Variants in KLHL32 observed in about 807,000 individuals in gnomAD.
KLHL32 encodes the protein kelch like family member 32, also known as kelch-like protein 32.
KLHL32 carries 35 observed loss-of-function variants against 64.8 expected under a neutral mutation model. The observed-to-expected ratio is 0.54, with a 90% confidence interval of 0.41 to 0.72. The LOEUF is 0.72. Ranked by LOEUF, KLHL32 falls within the 30% of genes least tolerant of loss-of-function variation. The pLI is 0.00. For synonymous variants in KLHL32, 259 were observed against 281.0 expected, an observed-to-expected ratio of 0.92 and a Z score of 0.78; for missense variants, 589 against 768.5, an observed-to-expected ratio of 0.77 and a Z score of 2.76.
At chr6:97,068,981 G>T (rs1352527554) in intron 5 of KLHL32, among the ~76,000 whole-genome samples, 1 of 152,208 alleles carries the variant, frequency 6.6e-6, no homozygotes. Flanking sequence ...AGGCTGGGAC[G>T]CAAGGGCGAT....
chr6:97,011,120 T>C (rs1780354457), intron 3 of KLHL32, among the ~76,000 whole-genome samples: 1 of 152,210 alleles, frequency 6.6e-6, no homozygotes, highest in Non-Finnish European at 1.5e-5. Flanking sequence ...GAGGGAATTA[T>C]CATGTATGCC....
At chr6:96,990,593 G>A (rs565316827) in intron 3 of KLHL32, among the ~76,000 whole-genome samples, 8 of 152,308 alleles carry the variant, frequency 5.3e-5, no homozygotes, top group Non-Finnish European at 1.5e-5. Flanking sequence ...GGCTTTGTGT[G>A]TCCTCTCCAA....
intron 3 of KLHL32, among the ~76,000 whole-genome samples, chr6:97,004,504 C>T (rs1175108476): frequency 1.3e-5 from 2 of 152,096 alleles, no homozygotes; most frequent in African/African-American, 4.8e-5. Context: ...CTAGGACTTC[C>T]AGTGCTGTGT....
Position 97,092,761 on chromosome 6 carries a change from G to GCTTTGCTGTTGTTTGTCTGGGGTATATGC in KLHL32, c.627+7427_627+7455dup, listed in dbSNP as rs528463353. 1.8e-4 allele frequency among the ~76,000 whole-genome samples: 28 copies of GCTTTGCTGTTGTTTGTCTGGGGTATATGC among 152,294 alleles called. No homozygotes were observed. The East Asian group carries it at 5.0e-3, about 27-fold the overall frequency. Reference sequence around the variant, plus strand: ...GCATCCCACAGTAGCTTGACTCGTGGCTTTGCTGTTGTTTGTCTGGGGTAT... The same window carrying GCTTTGCTGTTGTTTGTCTGGGGTATATGC: ...GCATCCCACAGTAGCTTGACTCGTGGCTTTGCTGTTGTTTGTCTGGGGTATATGCCTTTGCTGTTGTTTGTCTGGGGTAT... On this transcript the variant is annotated intron_variant, in intron 6 of 10. Coordinates refer to ENST00000369261, the MANE Select transcript of KLHL32 (RefSeq NM_052904.4).
chr6:97,007,883 G>T (rs967075569), intron 3 of KLHL32, among the ~76,000 whole-genome samples: 3 of 152,184 alleles, frequency 2.0e-5, no homozygotes, highest in Non-Finnish European at 2.9e-5. Context: ...TTCCCAGTCT[G>T]CTGTCCACAA....
At chr6:96,996,988 G>T (rs1778481605) in intron 3 of KLHL32, among the ~76,000 whole-genome samples, 1 of 152,002 alleles carries the variant, frequency 6.6e-6, no homozygotes. Flanking sequence ...GGAATGGGTT[G>T]GGAGGTAGGT....
At chr6:96,973,675 G>GACTT (rs1219600735) in intron 2 of KLHL32, among the ~76,000 whole-genome samples, 3 of 150,046 alleles carry the variant, frequency 2.0e-5, no homozygotes, top group Non-Finnish European at 4.4e-5. Context: ...AGTTAATAGG[G>GACTT]ACTTACATGG....
rs57457444 is a variant in KLHL32, at chr6:96,924,801, GCA to G, written c.-257_-256del. On this transcript the variant is annotated 5_prime_UTR_variant, in exon 1 of 11. Coordinates refer to ENST00000369261, the MANE Select transcript of KLHL32 (RefSeq NM_052904.4). The stretch of plus-strand genomic sequence containing the variant: ...CAGTCGCGCGCACACACGCACGCAG[GCA>G]CACACACACACACACACACACACAC... 53,708 of 148,734 alleles carry G rather than the reference GCA, an allele frequency of 0.36. 9,524 individuals are homozygous for G. Among genetic ancestry groups the G allele is most frequent in the Non-Finnish European group, 0.37 (24,859 of 67,070 alleles). The allele number at this position is 148,734 out of a possible 1,614,324, so 9.2% of individuals were successfully genotyped here. A position where few individuals can be genotyped will look rare whatever the true frequency, so the allele number is the denominator to read the frequency against.
At chr6:96,960,477 T>C (rs1773766479) in intron 1 of KLHL32, among the ~76,000 whole-genome samples, 1 of 152,206 alleles carries the variant, frequency 6.6e-6, no homozygotes, top group Admixed American at 6.5e-5. Context: ...GTTGAACATG[T>C]TAATAAACTT....
intron 1 of KLHL32, among the ~76,000 whole-genome samples, chr6:96,951,239 G>A (rs1772545302): frequency 6.6e-6 from 1 of 152,124 alleles, no homozygotes; most frequent in African/African-American, 2.4e-5. Flanking sequence ...CTTGGGTTCA[G>A]GCAAAGGAAA....
At chr6:96,932,563 T>TCCC (rs1562168616) in intron 1 of KLHL32, among the ~76,000 whole-genome samples, 1 of 111,134 alleles carries the variant, frequency 9.0e-6, no homozygotes, top group African/African-American at 4.3e-5. Flanking sequence ...AGTTGTCAAT[T>TCCC]TCCCCCCCCC....
chr6:97,060,759 A>T (rs1788750054), intron 4 of KLHL32, among the ~76,000 whole-genome samples: 1 of 152,068 alleles, frequency 6.6e-6, no homozygotes, highest in Non-Finnish European at 1.5e-5. Flanking sequence ...CCACCTCATG[A>T]CTGAATTCTG....
chr6:97,126,721 GA>G (rs1434269779), intron 7 of KLHL32, among the ~76,000 whole-genome samples: 3 of 151,852 alleles, frequency 2.0e-5, no homozygotes, highest in Non-Finnish European at 4.4e-5. Context: ...GACTTAGTAT[GA>G]AAAAAAGAAT....
chr6:96,899,615 G>A, the KLHL32 span, among the ~76,000 whole-genome samples: 2 of 152,162 alleles, frequency 1.3e-5, no homozygotes, highest in African/African-American at 4.8e-5. Context: ...GCCTGATCCT[G>A]GCCCAGTGCT....
chr6:97,079,499 G>A (rs778249465), intron 5 of KLHL32, among the ~76,000 whole-genome samples: 4 of 152,124 alleles, frequency 2.6e-5, no homozygotes, highest in Admixed American at 6.5e-5. Flanking sequence ...TACCCCTACC[G>A]TATTTGGTAG....
the KLHL32 span, among the ~76,000 whole-genome samples, chr6:96,904,663 C>T: frequency 2.0e-5 from 3 of 151,830 alleles, no homozygotes; most frequent in Non-Finnish European, 2.9e-5. Context: ...AAAGTTCATC[C>T]AGAAAAGAAA....
chr6:96,981,513 A>G (rs994812124), intron 3 of KLHL32, among the ~76,000 whole-genome samples: 1 of 152,044 alleles, frequency 6.6e-6, no homozygotes, highest in Non-Finnish European at 1.5e-5. Flanking sequence ...TCCTAGTTCC[A>G]TTGATCTTTT....
intron 3 of KLHL32, among the ~76,000 whole-genome samples, chr6:96,998,684 A>G (rs1159898066): frequency 6.6e-6 from 1 of 152,254 alleles, no homozygotes; most frequent in Non-Finnish European, 1.5e-5. Flanking sequence ...GAGGCCAAGC[A>G]AGTACTACTG....
chr6:97,013,951 C>G (rs1780751702), intron 3 of KLHL32, among the ~76,000 whole-genome samples: 1 of 152,148 alleles, frequency 6.6e-6, no homozygotes, highest in Non-Finnish European at 1.5e-5. Context: ...GTGCAGTGGT[C>G]TCTGAAGTAG....
Sources: allele counts gnomAD v4.1 joint callset (sites outside exome capture counted in the v4.1 genomes callset), GRCh38; gene constraint gnomAD v4.1.1; transcripts MANE v1.5; gene names NCBI Gene and HGNC (gene_info 2026-07-23, HGNC 2026-07-21).